The following GIT1 variants were observed in gnomAD, a reference collection of about 807,000 sequenced individuals.
The protein encoded by GIT1 is ARF GTPase-activating protein GIT1.
In GIT1, 14 loss-of-function variants were observed where a neutral mutation model predicts 91.7. The ratio of observed to expected loss-of-function variants is 0.15; its 90% CI spans 0.10 to 0.24. The LOEUF is 0.24. Ranked by LOEUF, GIT1 falls within the 10% of genes least tolerant of loss-of-function variation. The probability of loss-of-function intolerance (pLI) is 1.00; values close to 1 mark genes in which losing one functional copy is unlikely to be tolerated. For synonymous variants in GIT1, 414 were observed against 418.2 expected, an observed-to-expected ratio of 0.99 and a Z score of 0.12; for missense variants, 717 against 1,024.9, an observed-to-expected ratio of 0.70 and a Z score of 4.10.
At chr17:29,582,282 A>G (rs2033425229) in intron 4 of GIT1, 138 bp from the exon 5 acceptor site, 1 of 645,858 alleles carries the variant, frequency 1.5e-6, no homozygotes, top group African/African-American at 1.8e-5. Flanking sequence ...TCGGGAGGAC[A>G]GAGGCTTCCC....
In GIT1 at chr17:29,576,967, T is replaced by C; in HGVS notation, c.1123A>G (p.Ser375Gly). 3.7e-6 allele frequency: 6 copies of C among 1,602,180 alleles called. No individual in the cohort carries two copies. The highest frequency in any genetic ancestry group is 5.1e-6 in the Non-Finnish European group (6 of 1,179,124). Residue 375 changes from serine (S) to glycine (G), a missense_variant, in exon 12 of 20, where the codon AGT becomes GGT. Ser to Gly is a moderately conservative substitution (Grantham distance 56). Around this residue, in one of 3 missense-constraint regions of GIT1, gnomAD observed 312 missense variants for 349.5 expected, o/e 0.89. Coordinates refer to ENST00000225394, the MANE Select transcript of GIT1 (RefSeq NM_014030.4). ...TAGTCGTGTTGGTCGTCGAGGTCACTCTGGCTCCGCAGAGACAGCTCGAGG... is the reference window on the plus strand; with the variant it reads ...TAGTCGTGTTGGTCGTCGAGGTCACCCTGGCTCCGCAGAGACAGCTCGAGG... ...DNLELSLRSQ[S>G]DLDDQHDYDS... is the part of the protein sequence containing the mutation.
At chr17:29,578,675 G>T in intron 8 of GIT1, 56 bp downstream of exon 8, 1 of 1,432,094 alleles carries the variant, frequency 7.0e-7, no homozygotes, top group Non-Finnish European at 9.9e-7. Context: ...AGCAGAGGGT[G>T]GGGGATCAGA....
chr17:29,575,056 G>A lies in GIT1; in HGVS notation c.2073+23C>T. 1 of 1,562,112 alleles carries A rather than the reference G, an allele frequency of 6.4e-7. No individual in the cohort carries two copies. The highest frequency in any genetic ancestry group is 8.7e-7 in the Non-Finnish European group (1 of 1,145,238). On this transcript the variant is annotated intron_variant, in intron 19 of 19. Transcript: ENST00000225394. The surrounding 1 kb of genome is among the most constrained non-coding windows in gnomAD (Gnocchi z 5.5). Reference sequence around the variant, plus strand: ...CCCAGCTCGAGGCCCTCCCACTCCTGGTCCTCTCTTTGGCCCCTGTACCTT... The same window carrying A: ...CCCAGCTCGAGGCCCTCCCACTCCTAGTCCTCTCTTTGGCCCCTGTACCTT...
At chr17:29,585,078 G>A (rs1056124860) in intron 1 of GIT1, among the ~76,000 whole-genome samples, 3 of 151,566 alleles carry the variant, frequency 2.0e-5, no homozygotes, top group African/African-American at 4.9e-5. Flanking sequence ...GATGCCCAAG[G>A]TGACCGCCAA....
At chr17:29,587,992 C>T (rs530488395) in intron 1 of GIT1, among the ~76,000 whole-genome samples, 1 of 152,288 alleles carries the variant, frequency 6.6e-6, no homozygotes, top group East Asian at 1.9e-4. Flanking sequence ...CCAGGGCCCT[C>T]TAAACCATGA....
Position 29,581,717 on chromosome 17 carries a change from C to T in GIT1, c.718+25G>A. The T allele has an allele frequency of 6.3e-7, 1 of 1,589,024 alleles. No individual in the cohort carries two copies. Among genetic ancestry groups the T allele is most frequent in the Non-Finnish European group, 8.6e-7 (1 of 1,164,570 alleles). On this transcript the variant is annotated intron_variant, in intron 6 of 19. Coordinates refer to ENST00000225394, the MANE Select transcript of GIT1 (RefSeq NM_014030.4). This position sits in a 1 kb window ranked among gnomAD's most constrained non-coding sequence, Gnocchi z 4.8. Reference sequence around the variant, plus strand: ...CAGCCCCAGCCAGGCCTGTCACAGCCAGGCGCCCCCCAAGCTCTGCTCACC... The same window carrying T: ...CAGCCCCAGCCAGGCCTGTCACAGCTAGGCGCCCCCCAAGCTCTGCTCACC...
rs975649793 is a variant in GIT1 at position 29,589,385 on chromosome 17, C to T, written c.-7G>A. The stretch of plus-strand genomic sequence containing the variant: ...GCGGCCCCTTTCGGGACATCCTCAG[C>T]GGCGACGCGGCCGCAGCCCTCTGGG... On this transcript the variant is annotated 5_prime_UTR_variant, in exon 1 of 20. Coordinates refer to ENST00000225394, the MANE Select transcript of GIT1 (RefSeq NM_014030.4). The surrounding 1 kb of genome is among the most constrained non-coding windows in gnomAD (Gnocchi z 5.2). 2.8e-6 allele frequency: 3 copies of T among 1,053,762 alleles called. No individual in the cohort carries two copies. The highest frequency in any genetic ancestry group is 3.5e-6 in the Non-Finnish European group (3 of 866,752). The allele number at this position is 1,053,762 out of a possible 1,614,324, so 65.3% of individuals were successfully genotyped here.
In GIT1 at chr17:29,581,805, G is replaced by T; in HGVS notation, c.655C>A (p.Leu219Met). ...QAGHHELAER[L>M]VECQYELTDR... Reference sequence around the variant, plus strand: ...GTGAGCTCATATTGGCACTCAACCAGCCTTTCCGCCAGCTCATGGTGCCCC... The same window carrying T: ...GTGAGCTCATATTGGCACTCAACCATCCTTTCCGCCAGCTCATGGTGCCCC... The change falls in exon 6 of 20, where the codon CTG becomes ATG. Residue 219 changes from leucine to methionine, a missense_variant. Physicochemically the swap from Leu to Met is conservative, Grantham distance 15. Transcript: ENST00000225394. This position sits in a 1 kb window ranked among gnomAD's most constrained non-coding sequence, Gnocchi z 4.8. 6.2e-7 allele frequency: 1 copy of T among 1,612,584 alleles called. No individual in the cohort carries two copies.
intron 8 of GIT1, 97 bp downstream of exon 8, chr17:29,578,634 A>G: frequency 8.8e-7 from 1 of 1,130,074 alleles, no homozygotes; most frequent in Non-Finnish European, 1.4e-6. Context: ...GACTTGGAAA[A>G]GGTCATCGAG....
At chr17:29,576,487 T>C in intron 13 of GIT1, 35 bp downstream of exon 13, 1 of 1,612,976 alleles carries the variant, frequency 6.2e-7, no homozygotes, top group Non-Finnish European at 8.5e-7. Flanking sequence ...CCTGGAGTCC[T>C]GGGGCTCCCC....
chr17:29,576,290 G>C lies in GIT1; in HGVS notation c.1541C>G (p.Ser514Cys), dbSNP rs142990947. Reference sequence around the variant, plus strand: ...GGGGCCCCCAAAGGGCTTCAGGGCAGAGCCAGGTTCATACATGGAAAAGGC... The same window carrying C: ...GGGGCCCCCAAAGGGCTTCAGGGCACAGCCAGGTTCATACATGGAAAAGGC... Reference protein sequence around the residue: ...RQAFSMYEPGSALKPFGGPPG... With the variant: ...RQAFSMYEPGCALKPFGGPPG... Residue 514 changes from serine to cysteine, a missense_variant, in exon 14 of 20, where the codon TCT becomes TGT. By Grantham distance (112) the Ser-to-Cys change is moderately radical. This residue lies in a region of GIT1 where 312 missense variants were observed against 349.5 expected (regional missense o/e 0.89). Coordinates refer to ENST00000225394, the MANE Select transcript of GIT1 (RefSeq NM_014030.4). 4 of 1,612,548 alleles carry C rather than the reference G, an allele frequency of 2.5e-6. No individual in the cohort carries two copies. Among genetic ancestry groups the C allele is most frequent in the African/African-American group, 2.7e-5 (2 of 74,930 alleles).
chr17:29,577,291 T>C, intron 10 of GIT1, 44 bp from the exon 11 acceptor site: 2 of 1,506,842 alleles, frequency 1.3e-6, no homozygotes, highest in African/African-American at 1.4e-5. Flanking sequence ...GGACCCCTTA[T>C]GACTGACGCA....
Position 29,576,573 on chromosome 17 carries a change from G to A in GIT1, c.1329C>T (p.Leu443=). The A allele has an allele frequency of 6.2e-7, 1 of 1,614,034 alleles. No individual in the cohort carries two copies. ...LATSEAKVQQ[L]MKVNSSLSDE... ...CGCTCAGGCTACTGTTGACCTTCAT[G>A]AGCTGCTGCACCTTTGCCTCCGATG... Residue 443 remains leucine, a synonymous_variant, in exon 13 of 20, where the codon CTC becomes CTT. Transcript: ENST00000225394.
In GIT1 at chr17:29,576,098, C is replaced by G. The variant is rs748760392; in HGVS notation, c.1645G>C (p.Val549Leu). The change falls in exon 15 of 20, where the codon GTC becomes CTC. Residue 549 changes from valine to leucine, a missense_variant. Val to Leu is a conservative substitution (Grantham distance 32). Around this residue, in one of 3 missense-constraint regions of GIT1, gnomAD observed 312 missense variants for 349.5 expected, o/e 0.89. Transcript: ENST00000225394. Reference protein sequence around the residue: ...LEDDAIYSVHVPAGLYRIRKG... With the variant: ...LEDDAIYSVHLPAGLYRIRKG... ...CTTACCCGGTAAAGGCCAGCAGGGA[C>G]GTGCACTGAATAGATGGCGTCGTCC... The G allele has an allele frequency of 6.2e-7, 1 of 1,613,764 alleles. No individual in the cohort carries two copies. The highest frequency in any genetic ancestry group is 8.5e-7 in the Non-Finnish European group (1 of 1,179,946).
intron 1 of GIT1, among the ~76,000 whole-genome samples, chr17:29,584,566 G>A (rs948688795): frequency 6.6e-6 from 1 of 152,170 alleles, no homozygotes. Flanking sequence ...GAAAGGTCAC[G>A]GGGGAGAAAG....
chr17:29,574,651 T>A lies in GIT1; in HGVS notation c.*51A>T. The A allele has an allele frequency of 1.4e-6, 2 of 1,397,934 alleles. No homozygotes were observed. The highest frequency in any genetic ancestry group is 2.8e-5 in the African/African-American group (2 of 70,810). 86.6% of individuals were successfully genotyped at this position (1,397,934 alleles called of 1,614,324 possible). A position where few individuals can be genotyped will look rare whatever the true frequency, so the allele number is the denominator to read the frequency against. ...GGATTAATGTCTGGAGTGGCCCAGC[T>A]CCTATGGCCAGTGAGGTCCTAGGGT... On this transcript the variant is annotated 3_prime_UTR_variant, in exon 20 of 20. Transcript: ENST00000225394.
intron 4 of GIT1, 66 bp from the exon 5 acceptor site, chr17:29,582,210 G>A: frequency 8.0e-7 from 1 of 1,248,836 alleles, no homozygotes; most frequent in Non-Finnish European, 1.1e-6. Context: ...CCCACAAGCT[G>A]CACCCTGGCT....
intron 1 of GIT1, among the ~76,000 whole-genome samples, chr17:29,586,127 G>C (rs951927373): frequency 6.6e-6 from 1 of 152,214 alleles, no homozygotes; most frequent in Admixed American, 6.5e-5. Context: ...AGTCAGAATG[G>C]TGGTTACCTC....
In GIT1 at chr17:29,581,263, G is replaced by A; in HGVS notation, c.761+75C>T. On this transcript the variant is annotated intron_variant, in intron 7 of 19. Coordinates refer to ENST00000225394, the MANE Select transcript of GIT1 (RefSeq NM_014030.4). The surrounding 1 kb of genome is among the most constrained non-coding windows in gnomAD (Gnocchi z 4.8). The stretch of plus-strand genomic sequence containing the variant: ...AGGGTCCTAGGCCTCTGAAACCTGG[G>A]CTGGGAGCTCTGGGGGTCAGCCACC... The A allele has an allele frequency of 9.1e-7, 1 of 1,094,218 alleles. No individual in the cohort carries two copies. Among genetic ancestry groups the A allele is most frequent in the South Asian group, 1.2e-5 (1 of 80,212 alleles). The allele number at this position is 1,094,218 out of a possible 1,614,324, so 67.8% of individuals were successfully genotyped here. A position where few individuals can be genotyped will look rare whatever the true frequency, so the allele number is the denominator to read the frequency against.
Sources: gnomAD v4.1 joint callset for allele counts (sites outside exome capture counted in the v4.1 genomes callset) on GRCh38, gnomAD v4.1.1 for gene constraint, gnomAD v4.1.1 regional missense constraint, Gnocchi (gnomAD v3.1) non-coding constraint, MANE v1.5 for transcripts, NCBI Gene and HGNC (gene_info 2026-07-23, HGNC 2026-07-21) for gene names.